BMERB1: variants seen among roughly 807,000 people sequenced by gnomAD.
The protein encoded by BMERB1 is bMERB domain containing 1.
BMERB1 carries 12 observed loss-of-function variants against 23.6 expected under a neutral mutation model. The observed-to-expected ratio is 0.51, with a 90% CI of 0.33 to 0.82. The LOEUF is 0.82. BMERB1 is among the 40% of genes least tolerant of loss of function. The probability of loss-of-function intolerance (pLI) is 0.03; values close to 1 mark genes in which losing one functional copy is unlikely to be tolerated. For synonymous variants in BMERB1, 122 were observed against 96.6 expected (o/e 1.26, Z -1.54); for missense variants, 247 against 255.4 (o/e 0.97, Z 0.22).
chr16:15,446,794 G>A (rs1019239923), intron 1 of BMERB1, among the ~76,000 whole-genome samples: 1 of 152,124 alleles, frequency 6.6e-6, no homozygotes, highest in African/African-American at 2.4e-5. Context: ...TTACAAACAT[G>A]CCTCTTGTAA....
intron 2 of BMERB1, among the ~76,000 whole-genome samples, chr16:15,552,439 C>CA (rs375736789): frequency 0.011 from 1,545 of 142,504 alleles, 16 homozygotes; most frequent in Middle Eastern, 0.052. Flanking sequence ...GACTCCATCT[C>CA]AAAAAAAAAA....
intron 1 of BMERB1, among the ~76,000 whole-genome samples, chr16:15,500,488 A>G (rs1472260615): frequency 1.3e-5 from 2 of 152,178 alleles, no homozygotes; most frequent in African/African-American, 4.8e-5. Flanking sequence ...GAAGCAGAAG[A>G]GTCCTGAAAT....
At chr16:15,477,858 T>G (rs1269709943) in intron 1 of BMERB1, among the ~76,000 whole-genome samples, 1 of 152,122 alleles carries the variant, frequency 6.6e-6, no homozygotes, top group Non-Finnish European at 1.5e-5. Context: ...CCAGAGGTAG[T>G]ATGTCTTCTC....
chr16:15,559,789 C>T (rs1233026092), intron 2 of BMERB1, among the ~76,000 whole-genome samples: 3 of 152,064 alleles, frequency 2.0e-5, no homozygotes, highest in Non-Finnish European at 4.4e-5. Context: ...TTGGTTTTGC[C>T]AACTGGGGTT....
At chr16:15,495,193 T>TTTA (rs905908088) in intron 1 of BMERB1, among the ~76,000 whole-genome samples, 77 of 151,326 alleles carry the variant, frequency 5.1e-4, no homozygotes, top group Middle Eastern at 3.4e-3. Flanking sequence ...CTAATTTACT[T>TTTA]TTATTATTAT....
At chr16:15,487,780 T>C (rs2051380586) in intron 1 of BMERB1, among the ~76,000 whole-genome samples, 1 of 152,214 alleles carries the variant, frequency 6.6e-6, no homozygotes, top group East Asian at 1.9e-4. Flanking sequence ...TCCTCCACTT[T>C]TAAGACTATA....
chr16:15,557,321 G>A (rs1029091063), intron 2 of BMERB1, among the ~76,000 whole-genome samples: 1 of 150,672 alleles, frequency 6.6e-6, no homozygotes, highest in Non-Finnish European at 1.5e-5. Flanking sequence ...CAGCCCTAAT[G>A]GTACAGAGAC....
At chr16:15,474,359 A>G (rs1207731948) in intron 1 of BMERB1, among the ~76,000 whole-genome samples, 3 of 151,938 alleles carry the variant, frequency 2.0e-5, no homozygotes, top group African/African-American at 7.3e-5. Flanking sequence ...TAGGAATACA[A>G]ATTAATTTTT....
At chr16:15,535,848 T>G (rs2052019925) in intron 2 of BMERB1, among the ~76,000 whole-genome samples, 2 of 152,068 alleles carry the variant, frequency 1.3e-5, no homozygotes, top group Admixed American at 1.3e-4. Flanking sequence ...CTTACAATCA[T>G]GGCAGAAGGG....
intron 1 of BMERB1, among the ~76,000 whole-genome samples, chr16:15,458,018 G>A (rs1021703967): frequency 1.8e-4 from 27 of 152,146 alleles, no homozygotes; most frequent in Admixed American, 1.0e-3. Flanking sequence ...ACAGCATAGG[G>A]AAAACCACCT....
intron 1 of BMERB1, among the ~76,000 whole-genome samples, chr16:15,449,077 AT>A (rs1481486776): frequency 6.6e-6 from 1 of 152,234 alleles, no homozygotes; most frequent in East Asian, 1.9e-4. Flanking sequence ...CAAAAAAACG[AT>A]AAGGCCCCGT....
chr16:15,442,288 C>T (rs888254524), intron 1 of BMERB1, among the ~76,000 whole-genome samples: 2 of 151,326 alleles, frequency 1.3e-5, no homozygotes, highest in African/African-American at 2.4e-5. Flanking sequence ...TGAGGTCACA[C>T]CATTGCACTC....
At chr16:15,583,577 CA>C (rs35021259) in intron 5 of BMERB1, among the ~76,000 whole-genome samples, 932 of 61,856 alleles carry the variant, frequency 0.015, 5 homozygotes, top group African/African-American at 0.035. Flanking sequence ...GACTTTGTCT[CA>C]AAAAAAAAAA....
intron 2 of BMERB1, among the ~76,000 whole-genome samples, chr16:15,516,108 G>C (rs974301422): frequency 6.6e-6 from 1 of 152,058 alleles, no homozygotes; most frequent in Non-Finnish European, 1.5e-5. Context: ...TTGGGTGACA[G>C]AGAGAGGCAC....
At chr16:15,585,815 C>T (rs528359631) in intron 5 of BMERB1, among the ~76,000 whole-genome samples, 40 of 151,962 alleles carry the variant, frequency 2.6e-4, no homozygotes, top group African/African-American at 8.4e-4. Flanking sequence ...GGTGACAGAG[C>T]GAGACTCCAT....
At chr16:15,545,019 C>T (rs2052120284) in intron 2 of BMERB1, among the ~76,000 whole-genome samples, 1 of 152,116 alleles carries the variant, frequency 6.6e-6, no homozygotes, top group African/African-American at 2.4e-5. Context: ...ATCACCCAGG[C>T]TGGAGTGCAG....
At chr16:15,582,873 C>T (rs1468025382) in intron 4 of BMERB1, among the ~76,000 whole-genome samples, 2 of 152,164 alleles carry the variant, frequency 1.3e-5, no homozygotes, top group Admixed American at 6.5e-5. Context: ...GGTGCTGCCT[C>T]ACTCACTGAC....
At chr16:15,485,868 G>T (rs2051364487) in intron 1 of BMERB1, among the ~76,000 whole-genome samples, 1 of 152,104 alleles carries the variant, frequency 6.6e-6, no homozygotes, top group Admixed American at 6.5e-5. Context: ...GACCTACTTA[G>T]TGCACAGCAA....
At chr16:15,547,529 T>C (rs1809745103) in intron 2 of BMERB1, among the ~76,000 whole-genome samples, 1 of 148,564 alleles carries the variant, frequency 6.7e-6, no homozygotes, top group Non-Finnish European at 1.5e-5. Context: ...TATTTTTAGG[T>C]GAGACGGGGT....
Sources: gnomAD v4.1 joint callset for allele counts (sites outside exome capture counted in the v4.1 genomes callset) on GRCh38, gnomAD v4.1.1 for gene constraint, MANE v1.5 for transcripts, NCBI Gene and HGNC (gene_info 2026-07-23, HGNC 2026-07-21) for gene names.